ZMYM2: variants seen among roughly 807,000 people sequenced by gnomAD.
ZMYM2 encodes the protein zinc finger MYM-type containing 2, also known as zinc finger MYM-type protein 2.
ZMYM2 carries 56 observed loss-of-function variants against 162.8 expected under a neutral mutation model. That is an observed-to-expected ratio of 0.34 (90% CI 0.28 to 0.43). ZMYM2 has a LOEUF of 0.43. Ranked by LOEUF, ZMYM2 falls within the 20% of genes least tolerant of loss-of-function variation. The pLI, the probability that ZMYM2 is intolerant of heterozygous loss-of-function variation, is 1.00. For missense variants in ZMYM2, 1,275 were observed against 1,621.8 expected (o/e 0.79, Z 3.67); for synonymous variants, 510 against 541.6 (o/e 0.94, Z 0.81).
At chr13:20,051,402 C>T (rs1213161981) in intron 12 of ZMYM2, 31 bp from the exon 13 acceptor site, 2 of 1,592,740 alleles carry the variant, frequency 1.3e-6, no homozygotes, top group Admixed American at 1.9e-5. Flanking sequence ...AAATAATTTG[C>T]AATATCTGAA....
intron 2 of ZMYM2, among the ~76,000 whole-genome samples, chr13:19,964,817 T>C (rs1294820941): frequency 6.6e-6 from 1 of 152,106 alleles, no homozygotes; most frequent in Non-Finnish European, 1.5e-5. Flanking sequence ...AATTTATCCA[T>C]AAAAATGTTT....
intron 21 of ZMYM2, chr13:20,070,655 T>G (rs1182420245): frequency 6.6e-6 from 1 of 152,192 alleles, no homozygotes; most frequent in Non-Finnish European, 1.5e-5. Context: ...GGACTACAGG[T>G]GCACACCACC....
At chr13:19,879,899 G>A in the ZMYM2 span, among the ~76,000 whole-genome samples, 1 of 152,220 alleles carries the variant, frequency 6.6e-6, no homozygotes, top group African/African-American at 2.4e-5. Flanking sequence ...CCTCACTAAT[G>A]TGCGTAAGCA....
chr13:19,868,716 A>G, the ZMYM2 span, among the ~76,000 whole-genome samples: 1 of 152,158 alleles, frequency 6.6e-6, no homozygotes, highest in East Asian at 1.9e-4. Flanking sequence ...TCTCATGCCA[A>G]ATAGTCCAGT....
the ZMYM2 span, among the ~76,000 whole-genome samples, chr13:19,880,585 C>T: frequency 1.3e-5 from 2 of 152,058 alleles, no homozygotes; most frequent in Admixed American, 6.6e-5. Context: ...CATGCCGCCA[C>T]GCCCGGCTAA....
chr13:19,896,084 T>C, the ZMYM2 span, among the ~76,000 whole-genome samples: 6 of 151,188 alleles, frequency 4.0e-5, no homozygotes, highest in Non-Finnish European at 7.4e-5. Flanking sequence ...TTTTAGCTAT[T>C]GTGAATAATA....
chr13:19,956,503 A>G (rs1473347152), upstream of ZMYM2, among the ~76,000 whole-genome samples: 1 of 152,226 alleles, frequency 6.6e-6, no homozygotes, highest in African/African-American at 2.4e-5. Context: ...ACATTATGAC[A>G]AATACTTTCT....
Position 20,059,447 on chromosome 13 carries a change from A to T in ZMYM2, c.2624A>T (p.Asp875Val), listed in dbSNP as rs752092349. The part of the protein sequence containing the change: ...PHMQTKSCQT[D>V]DTWRTEYVPV... The stretch of plus-strand genomic sequence containing the variant: ...CCTTAAATATGTTTTGTGTTTTTAG[A>T]TGATACTTGGAGGACAGAATATGTT... Residue 875 changes from aspartate to valine, a missense_variant and splice_region_variant, in exon 16 of 25, where the codon GAT (aspartate) becomes GTT (valine). Physicochemically the swap from Asp to Val is radical, Grantham distance 152. This residue lies in a region of ZMYM2 where 177 missense variants were observed against 228.0 expected (regional missense o/e 0.78). Coordinates refer to ENST00000610343, the MANE Select transcript of ZMYM2 (RefSeq NM_197968.4). 6.2e-7 allele frequency: 1 copy of T among 1,612,928 alleles called. No individual in the cohort carries two copies. The highest frequency in any genetic ancestry group is 1.3e-5 in the African/African-American group (1 of 74,990).
chr13:20,016,932 CTCT>C (rs779816097), intron 6 of ZMYM2, among the ~76,000 whole-genome samples: 51 of 152,306 alleles, frequency 3.3e-4, no homozygotes, highest in Admixed American at 7.8e-4. Flanking sequence ...TTGCCCCTTT[CTCT>C]TCTTCTGAAA....
the ZMYM2 span, among the ~76,000 whole-genome samples, chr13:19,898,932 C>CT: frequency 0.018 from 2,417 of 134,532 alleles, 42 homozygotes; most frequent in African/African-American, 0.043. Flanking sequence ...GACCCCACTT[C>CT]TTTTTTTTTT....
At chr13:20,058,540 T>C in intron 14 of ZMYM2, 35 bp from the exon 15 acceptor site, 1 of 1,597,006 alleles carries the variant, frequency 6.3e-7, no homozygotes, top group South Asian at 1.1e-5. Context: ...AAATTAGACA[T>C]AAAAATAAAA....
chr13:20,000,793 T>G (rs916510996), intron 3 of ZMYM2, among the ~76,000 whole-genome samples: 2 of 152,208 alleles, frequency 1.3e-5, no homozygotes, highest in Non-Finnish European at 2.9e-5. Context: ...GATCAAGGAG[T>G]AATTTTGACT....
At chr13:19,925,377 T>A in the ZMYM2 span, among the ~76,000 whole-genome samples, 1 of 152,202 alleles carries the variant, frequency 6.6e-6, no homozygotes, top group East Asian at 1.9e-4. Context: ...CCACATTTAT[T>A]GAGATTATAG....
At chr13:19,905,611 C>A in the ZMYM2 span, among the ~76,000 whole-genome samples, 240 of 152,264 alleles carry the variant, frequency 1.6e-3, 4 homozygotes, top group Non-Finnish European at 5.0e-4. Flanking sequence ...TTCTCACTAG[C>A]CAACCCTAAA....
At chr13:19,876,270 G>A in the ZMYM2 span, among the ~76,000 whole-genome samples, 1 of 151,986 alleles carries the variant, frequency 6.6e-6, no homozygotes, top group Non-Finnish European at 1.5e-5. Context: ...CCGGTGATCC[G>A]CCCGCCTTTG....
chr13:19,908,308 A>AAG, the ZMYM2 span, among the ~76,000 whole-genome samples: 1 of 151,418 alleles, frequency 6.6e-6, no homozygotes, highest in Admixed American at 6.6e-5. Flanking sequence ...ACAAACAAAA[A>AAG]CCATTATTTG....
At chr13:20,061,334 T>C in intron 17 of ZMYM2, 110 bp downstream of exon 17, 1 of 1,207,702 alleles carries the variant, frequency 8.3e-7, no homozygotes, top group Non-Finnish European at 1.1e-6. Flanking sequence ...TATGTGGGGG[T>C]GAGGAAAGCA....
the ZMYM2 span, among the ~76,000 whole-genome samples, chr13:19,942,312 T>G: frequency 2.2e-4 from 27 of 120,872 alleles, no homozygotes; most frequent in African/African-American, 7.1e-4. Flanking sequence ...ATTATACATA[T>G]TATACTAGGA....
chr13:19,935,755 C>T, the ZMYM2 span, among the ~76,000 whole-genome samples: 1 of 152,058 alleles, frequency 6.6e-6, no homozygotes, highest in Non-Finnish European at 1.5e-5. Context: ...AAACAGTTCT[C>T]CTGCCTTTTC....
Sources: allele counts gnomAD v4.1 joint callset (sites outside exome capture counted in the v4.1 genomes callset), GRCh38; gene constraint gnomAD v4.1.1; regional missense constraint gnomAD v4.1.1; transcripts MANE v1.5; gene names NCBI Gene and HGNC (gene_info 2026-07-23, HGNC 2026-07-21).